The following NAALADL2 variants were observed in gnomAD, a reference collection of about 807,000 sequenced individuals.
NAALADL2 encodes N-acetylated alpha-linked acidic dipeptidase like 2.
A neutral mutation model predicts 87.2 loss-of-function variants in NAALADL2; 76 were observed. That is an observed-to-expected ratio of 0.87 (90% CI 0.72 to 1.05). NAALADL2 has a LOEUF of 1.05. Among genes scored for constraint, NAALADL2 ranks in the 50% least tolerant of loss-of-function variants. The pLI, the probability that NAALADL2 is intolerant of heterozygous loss-of-function variation, is 0.00. For missense variants in NAALADL2, 1,089 were observed against 945.8 expected (o/e 1.15, Z -1.99); for synonymous variants, 354 against 331.0 (o/e 1.07, Z -0.75).
chr3:175,156,624 C>A (rs1732375292), intron 2 of NAALADL2, among the ~76,000 whole-genome samples: 3 of 151,858 alleles, frequency 2.0e-5, no homozygotes, highest in Admixed American at 2.0e-4. Context: ...AAATATTATT[C>A]TTTATTAAAT....
At chr3:175,400,773 T>C (rs1044776686) in intron 5 of NAALADL2, among the ~76,000 whole-genome samples, 1 of 152,232 alleles carries the variant, frequency 6.6e-6, no homozygotes, top group Middle Eastern at 3.4e-3. Flanking sequence ...CTACTGTAAC[T>C]ATCATAAATG....
chr3:175,217,802 G>C (rs1160590773), intron 2 of NAALADL2, among the ~76,000 whole-genome samples: 3 of 152,176 alleles, frequency 2.0e-5, no homozygotes, highest in Non-Finnish European at 2.9e-5. Flanking sequence ...AGGCTCTAAA[G>C]AATTAAATCA....
intron 5 of NAALADL2, among the ~76,000 whole-genome samples, chr3:175,414,984 C>T (rs916593752): frequency 6.6e-6 from 1 of 152,134 alleles, no homozygotes; most frequent in Non-Finnish European, 1.5e-5. Context: ...AAAGAAAACA[C>T]TTTTAAGTAG....
rs181846534 is a variant in NAALADL2, at chr3:174,668,699, G to T, written c.-114-68942G>T. On this transcript the variant is annotated intron_variant, in intron 2 of 3. Coordinates refer to the NAALADL2 transcript ENST00000434257. ...TGGTTTTCTGTCCCTGCAATAGTTTGCTGAGAATGATGGTTTCCAGCTTCA... is the reference window on the plus strand; with the variant it reads ...TGGTTTTCTGTCCCTGCAATAGTTTTCTGAGAATGATGGTTTCCAGCTTCA... Among the ~76,000 whole-genome samples, 1,041 of 152,202 alleles carry T rather than the reference G, an allele frequency of 6.8e-3. 12 individuals are homozygous for T. The highest frequency in any genetic ancestry group is 0.058 in the East Asian group (300 of 5,170).
At chr3:174,943,755 A>G (rs991427887) in intron 1 of NAALADL2, among the ~76,000 whole-genome samples, 6 of 152,130 alleles carry the variant, frequency 3.9e-5, no homozygotes, top group Non-Finnish European at 8.8e-5. Flanking sequence ...TGTGGGACCC[A>G]TGGGAGATTG....
intron 11 of NAALADL2, among the ~76,000 whole-genome samples, chr3:175,636,314 A>G (rs932599951): frequency 1.3e-5 from 2 of 152,112 alleles, no homozygotes; most frequent in African/African-American, 4.8e-5. Context: ...ATTGGATTTG[A>G]CAGATGAGAA....
intron 2 of NAALADL2, among the ~76,000 whole-genome samples, chr3:175,116,745 AC>A (rs1725258106): frequency 1.3e-5 from 2 of 151,570 alleles, no homozygotes; most frequent in African/African-American, 4.9e-5. Flanking sequence ...CACAACAACA[AC>A]AAAAAAACCA....
intron 11 of NAALADL2, among the ~76,000 whole-genome samples, chr3:175,706,109 C>T (rs1739665764): frequency 6.6e-6 from 1 of 152,006 alleles, no homozygotes; most frequent in Non-Finnish European, 1.5e-5. Context: ...GAAGAAGAAA[C>T]AAGGAGTGAA....
chr3:174,782,342 T>C (rs1325556935), intron 3 of NAALADL2, among the ~76,000 whole-genome samples: 3 of 152,162 alleles, frequency 2.0e-5, no homozygotes, highest in Non-Finnish European at 4.4e-5. Context: ...CTGTTGATTT[T>C]CAGTGGTACT....
At chr3:175,588,082 T>TG (rs1367785450) in intron 10 of NAALADL2, among the ~76,000 whole-genome samples, 1 of 143,248 alleles carries the variant, frequency 7.0e-6, no homozygotes, top group African/African-American at 2.6e-5. Flanking sequence ...TGAAAAACCT[T>TG]GGGGTAAAAA....
chr3:175,494,319 A>T (rs1376779607), intron 9 of NAALADL2, among the ~76,000 whole-genome samples: 3 of 152,150 alleles, frequency 2.0e-5, no homozygotes, highest in Non-Finnish European at 2.9e-5. Context: ...GGTGATAAAC[A>T]TGCATGCATA....
At chr3:174,479,028 C>G (rs887435800) in intron 1 of NAALADL2, among the ~76,000 whole-genome samples, 1 of 152,096 alleles carries the variant, frequency 6.6e-6, no homozygotes, top group East Asian at 1.9e-4. Flanking sequence ...TTATGTACTG[C>G]GTTCCTCAGC....
At chr3:175,592,583 T>A (rs943285908) in intron 10 of NAALADL2, among the ~76,000 whole-genome samples, 1 of 152,084 alleles carries the variant, frequency 6.6e-6, no homozygotes, top group African/African-American at 2.4e-5. Flanking sequence ...GTTCATGCCC[T>A]TTGTAGGGAC....
chr3:175,390,329 A>T (rs542484603), intron 5 of NAALADL2, among the ~76,000 whole-genome samples: 2 of 152,196 alleles, frequency 1.3e-5, no homozygotes, highest in Admixed American at 6.5e-5. Context: ...TGGCCATTCT[A>T]TAGAAAATCA....
intron 9 of NAALADL2, among the ~76,000 whole-genome samples, chr3:175,533,627 A>G (rs959057070): frequency 6.6e-6 from 1 of 152,138 alleles, no homozygotes; most frequent in Non-Finnish European, 1.5e-5. Context: ...CCCCATTCCA[A>G]GTTGCAGGGT....
intron 6 of NAALADL2, among the ~76,000 whole-genome samples, chr3:175,451,219 G>C (rs1323062101): frequency 1.3e-5 from 2 of 152,022 alleles, no homozygotes; most frequent in African/African-American, 4.8e-5. Context: ...CTATCTAACT[G>C]ATACAAATCA....
intron 2 of NAALADL2, among the ~76,000 whole-genome samples, chr3:175,179,189 GTTTAA>G (rs1736112204): frequency 6.6e-6 from 1 of 151,980 alleles, no homozygotes; most frequent in Non-Finnish European, 1.5e-5. Flanking sequence ...CCCAGTTGTA[GTTTAA>G]TTTGTTAATT....
intron 3 of NAALADL2, among the ~76,000 whole-genome samples, chr3:174,786,328 G>A (rs914437320): frequency 7.3e-5 from 11 of 151,652 alleles, no homozygotes; most frequent in Non-Finnish European, 1.3e-4. Flanking sequence ...GCATGCGCTT[G>A]TAGTCCCCGA....
chr3:175,076,689 T>C (rs1213319964), intron 1 of NAALADL2, among the ~76,000 whole-genome samples: 1 of 152,128 alleles, frequency 6.6e-6, no homozygotes, highest in Non-Finnish European at 1.5e-5. Flanking sequence ...ATGATAATTC[T>C]GTTTCTTTTA....
Sources: allele counts gnomAD v4.1 joint callset (sites outside exome capture counted in the v4.1 genomes callset), GRCh38; gene constraint gnomAD v4.1.1; transcripts MANE v1.5; gene names NCBI Gene and HGNC (gene_info 2026-07-23, HGNC 2026-07-21).